WT1: variants seen among roughly 807,000 people sequenced by gnomAD.
WT1 encodes Wilms tumor protein.
In WT1, 8 loss-of-function variants were observed where a neutral mutation model predicts 60.8. That is an observed-to-expected ratio of 0.13 (90% confidence interval 0.08 to 0.24). The LOEUF (loss-of-function observed/expected upper bound fraction) is 0.24. Among genes scored for constraint, WT1 ranks in the 10% least tolerant of loss-of-function variants. The pLI is 1.00. For synonymous variants in WT1, 312 were observed against 297.1 expected (o/e 1.05, Z -0.52); for missense variants, 568 against 711.8 (o/e 0.80, Z 2.30).
At chr11:32,392,629 A>T (rs781006585) in intron 8 of WT1, 37 bp downstream of exon 8, 3 of 1,589,068 alleles carry the variant, frequency 1.9e-6, no homozygotes, top group Middle Eastern at 1.7e-4. Context: ...AGCCCAAGGG[A>T]ACACAGCTGC....
chr11:32,399,303 A>G (rs1259385312), intron 6 of WT1, among the ~76,000 whole-genome samples: 1 of 152,198 alleles, frequency 6.6e-6, no homozygotes, highest in African/African-American at 2.4e-5. Context: ...ACATGGCATT[A>G]TGCATTTTTC....
At chr11:32,428,134 G>C in intron 2 of WT1, 76 bp from the exon 3 acceptor site, 1 of 1,336,098 alleles carries the variant, frequency 7.5e-7, no homozygotes, top group Non-Finnish European at 1.0e-6. Flanking sequence ...CAGGGGTTGG[G>C]GGAGACACGA....
intron 5 of WT1, among the ~76,000 whole-genome samples, chr11:32,416,213 A>C (rs921323375): frequency 6.6e-6 from 1 of 152,252 alleles, no homozygotes; most frequent in Non-Finnish European, 1.5e-5. Context: ...TTTAGTATTT[A>C]GTATTTTGTG....
intron 1 of WT1, among the ~76,000 whole-genome samples, 199 bp downstream of exon 1, chr11:32,434,501 G>A (rs866255201): frequency 6.6e-6 from 1 of 152,226 alleles, no homozygotes; most frequent in South Asian, 2.1e-4. Context: ...TGGCTTTGGA[G>A]GATGTCGGGG....
At chr11:32,417,478 T>C (rs779968375) in intron 4 of WT1, 99 bp downstream of exon 4, 48 of 1,126,020 alleles carry the variant, frequency 4.3e-5, no homozygotes, top group Non-Finnish European at 6.0e-5. Context: ...TGCCCTTTCT[T>C]CTAAAACTGT....
At chr11:32,415,811 G>A (rs890094559) in intron 5 of WT1, among the ~76,000 whole-genome samples, 3 of 152,124 alleles carry the variant, frequency 2.0e-5, no homozygotes, top group Admixed American at 1.3e-4. Context: ...ATTTGGGGGC[G>A]GGGGTGAGGT....
In WT1 at chr11:32,419,274, C is replaced by T. The variant is rs545476447; in HGVS notation, c.888-1620G>A. Among the ~76,000 whole-genome samples the T allele has an allele frequency of 2.4e-4, 37 of 152,278 alleles. No individual in the cohort carries two copies. In the South Asian group the frequency reaches 3.9e-3, roughly 16 times the overall value. ...TTTGGGCTGACAGTTCATTAATAAGCGGCCTCCTCCACAATCTCTCTACTG... is the reference window on the plus strand; with the variant it reads ...TTTGGGCTGACAGTTCATTAATAAGTGGCCTCCTCCACAATCTCTCTACTG... On this transcript the variant is annotated intron_variant, in intron 3 of 9. Coordinates refer to ENST00000452863, the MANE Select transcript of WT1 (RefSeq NM_024426.6).
intron 5 of WT1, chr11:32,400,454 T>G (rs1450026912): frequency 8.7e-6 from 3 of 343,248 alleles, no homozygotes; most frequent in Non-Finnish European, 1.7e-5. Flanking sequence ...CGGCACCTCA[T>G]GACTCAGTTT....
intron 5 of WT1, among the ~76,000 whole-genome samples, chr11:32,405,162 A>G (rs913459839): frequency 2.0e-5 from 3 of 152,198 alleles, no homozygotes; most frequent in Non-Finnish European, 4.4e-5. Flanking sequence ...ATGAGACGAT[A>G]TTGAACTCAC....
At chr11:32,415,588 C>T (rs981761497) in intron 5 of WT1, among the ~76,000 whole-genome samples, 8 of 152,256 alleles carry the variant, frequency 5.3e-5, no homozygotes, top group Admixed American at 2.6e-4. Flanking sequence ...GTGGAGGTTG[C>T]GGTGAGCGAG....
chr11:32,416,486 T>G lies in WT1; in HGVS notation c.1016+4A>C, dbSNP rs776489080. On this transcript the variant is annotated splice_donor_region_variant and intron_variant, in intron 5 of 9. Coordinates refer to ENST00000452863, the MANE Select transcript of WT1 (RefSeq NM_024426.6). Reference sequence around the variant, plus strand: ...GCTTTGCCATCTCCGCATTGTCCACTCACTTGCTCTGCCCTTCTGTCCATT... The same window carrying G: ...GCTTTGCCATCTCCGCATTGTCCACGCACTTGCTCTGCCCTTCTGTCCATT... 6.2e-7 allele frequency: 1 copy of G among 1,613,968 alleles called. No individual in the cohort carries two copies. Among genetic ancestry groups the G allele is most frequent in the Admixed American group, 1.7e-5 (1 of 60,006 alleles).
chr11:32,418,131 T>C (rs372829583), intron 3 of WT1, among the ~76,000 whole-genome samples: 3 of 150,946 alleles, frequency 2.0e-5, no homozygotes, highest in African/African-American at 7.3e-5. Flanking sequence ...TGATGGGTGA[T>C]AAATGGTCTA....
chr11:32,431,586 G>A (rs942409038), intron 1 of WT1, among the ~76,000 whole-genome samples: 11 of 143,458 alleles, frequency 7.7e-5, no homozygotes, highest in African/African-American at 3.0e-4. Flanking sequence ...ATAGGCGCCC[G>A]TCACCAAGCC....
chr11:32,390,431 G>T (rs903360420), intron 9 of WT1, among the ~76,000 whole-genome samples: 6 of 152,148 alleles, frequency 3.9e-5, no homozygotes, highest in Admixed American at 3.9e-4. Flanking sequence ...ACCGAATTAT[G>T]AGCTCAGGAC....
At chr11:32,389,247 C>A in intron 9 of WT1, 68 bp from the exon 10 acceptor site, 1 of 1,612,078 alleles carries the variant, frequency 6.2e-7, no homozygotes, top group Non-Finnish European at 8.5e-7. Flanking sequence ...ACTATCAAGG[C>A]CCGAGTGAAG....
rs1359587095 is a variant in WT1 at position 32,417,957 on chromosome 11, G to A, written c.888-303C>T. On this transcript the variant is annotated intron_variant, in intron 3 of 9. Coordinates refer to ENST00000452863, the MANE Select transcript of WT1 (RefSeq NM_024426.6). ...CTTTGAGGGGAAAAGGCTAAGGGGA[G>A]TGAAACTTTGAAAGGCAACACAGGC... 8.5e-5 allele frequency among the ~76,000 whole-genome samples: 13 copies of A among 152,190 alleles called. 1 individual carries two copies. The South Asian group carries it at 1.9e-3, about 22-fold the overall frequency.
At chr11:32,417,337 C>T (rs1478987699) in intron 4 of WT1, 6 of 532,278 alleles carry the variant, frequency 1.1e-5, no homozygotes, top group South Asian at 4.8e-5. Context: ...TCAACAAGAC[C>T]ATAATAAGTG....
intron 3 of WT1, among the ~76,000 whole-genome samples, chr11:32,422,953 C>T (rs117420166): frequency 0.043 from 6,505 of 152,238 alleles, 228 homozygotes; most frequent in Admixed American, 0.1. Context: ...ATTTTTCAAA[C>T]GCAGTGCACA....
chr11:32,433,035 C>G (rs908093468), intron 1 of WT1, among the ~76,000 whole-genome samples: 3 of 152,146 alleles, frequency 2.0e-5, no homozygotes, highest in Admixed American at 6.5e-5. Flanking sequence ...TGGTGGGTAG[C>G]GCTTCTGCAT....
Sources: gnomAD v4.1 joint callset for allele counts (sites outside exome capture counted in the v4.1 genomes callset) on GRCh38, gnomAD v4.1.1 for gene constraint, MANE v1.5 for transcripts, NCBI Gene and HGNC (gene_info 2026-07-23, HGNC 2026-07-21) for gene names.